Variants in PRR16 observed in about 807,000 individuals in gnomAD.
PRR16 encodes the protein proline rich 16, also known as protein Largen.
A neutral mutation model predicts 18.2 loss-of-function variants in PRR16; 6 were observed. That is an observed-to-expected ratio of 0.33 (90% CI 0.18 to 0.65). The LOEUF is 0.65. Ranked by LOEUF, PRR16 falls within the 30% of genes least tolerant of loss-of-function variation. PRR16 has a pLI of 0.74. For missense variants in PRR16, 412 were observed against 376.6 expected (o/e 1.09, Z -0.78); for synonymous variants, 151 against 147.8 (o/e 1.02, Z -0.16).
chr5:120,467,324 C>T (rs1034138976), intron 1 of PRR16, among the ~76,000 whole-genome samples: 4 of 152,082 alleles, frequency 2.6e-5, no homozygotes, highest in African/African-American at 9.7e-5. Flanking sequence ...GCGAGCTCTT[C>T]TTAACTTGCA....
At chr5:120,602,435 A>C (rs570957193) in intron 1 of PRR16, among the ~76,000 whole-genome samples, 3 of 152,074 alleles carry the variant, frequency 2.0e-5, no homozygotes, top group Middle Eastern at 3.2e-3. Flanking sequence ...TCTTTACTGA[A>C]GTTGTTTATC....
At chr5:120,621,790 A>G (rs973175809) in intron 1 of PRR16, among the ~76,000 whole-genome samples, 6 of 152,112 alleles carry the variant, frequency 3.9e-5, no homozygotes, top group Admixed American at 2.6e-4. Flanking sequence ...CCATGATTGT[A>G]AGTTTCCTCA....
At chr5:120,487,820 C>T (rs1348880381) in intron 1 of PRR16, among the ~76,000 whole-genome samples, 3 of 152,128 alleles carry the variant, frequency 2.0e-5, no homozygotes, top group African/African-American at 7.2e-5. Context: ...GAGATACGTC[C>T]CAACAGTACC....
intron 1 of PRR16, among the ~76,000 whole-genome samples, chr5:120,546,910 C>T (rs1389864181): frequency 6.6e-6 from 1 of 151,966 alleles, no homozygotes; most frequent in African/African-American, 2.4e-5. Context: ...TCCAGAGTGG[C>T]AGTATATGGG....
the PRR16 span, among the ~76,000 whole-genome samples, chr5:120,719,835 A>C: frequency 6.6e-6 from 1 of 152,078 alleles, no homozygotes; most frequent in African/African-American, 2.4e-5. Flanking sequence ...TTGATCTTAC[A>C]TATGAATTTA....
chr5:120,481,006 A>G lies in PRR16; in HGVS notation c.159+16361A>G, dbSNP rs576050649. 7.9e-4 allele frequency among the ~76,000 whole-genome samples: 120 copies of G among 152,324 alleles called. No individual in the cohort carries two copies. The Middle Eastern group carries it at 0.017, about 22-fold the overall frequency. ...CTTCAGAAGTTTTCCTTTAAACCACACTAATCAAATTAGCATTGACTTGAA... is the reference window on the plus strand; with the variant it reads ...CTTCAGAAGTTTTCCTTTAAACCACGCTAATCAAATTAGCATTGACTTGAA... On this transcript the variant is annotated intron_variant, in intron 1 of 1. Coordinates refer to ENST00000407149, the MANE Select transcript of PRR16 (RefSeq NM_001300783.2).
chr5:120,505,565 C>G (rs550024695), intron 1 of PRR16, among the ~76,000 whole-genome samples: 1 of 152,234 alleles, frequency 6.6e-6, no homozygotes, highest in South Asian at 2.1e-4. Flanking sequence ...ATCAGGCTAT[C>G]CATCACTGGA....
In PRR16 at chr5:120,686,094, T is replaced by C. The variant is rs748583890; in HGVS notation, c.300T>C (p.Asn100=). ...SSLEKIKVQA[N]APLIKPPAHP... The stretch of plus-strand genomic sequence containing the variant: ...TAGAGAAGATCAAAGTGCAGGCTAA[T>C]GCACCGCTTATTAAACCCCCAGCAC... The change falls in exon 2 of 2, where the codon AAT becomes AAC. Residue 100 remains asparagine (N), a synonymous_variant. Coordinates refer to ENST00000407149, the MANE Select transcript of PRR16 (RefSeq NM_001300783.2). 1.9e-6 allele frequency: 3 copies of C among 1,613,982 alleles called. No individual in the cohort carries two copies. The highest frequency in any genetic ancestry group is 2.7e-5 in the African/African-American group (2 of 74,896).
At chr5:120,562,019 C>A (rs1284118051) in intron 1 of PRR16, among the ~76,000 whole-genome samples, 1 of 152,056 alleles carries the variant, frequency 6.6e-6, no homozygotes, top group Non-Finnish European at 1.5e-5. Flanking sequence ...CAGATTAAGT[C>A]TGATGTTTCT....
At chr5:120,493,545 T>G (rs1274366670) in intron 1 of PRR16, among the ~76,000 whole-genome samples, 1 of 152,122 alleles carries the variant, frequency 6.6e-6, no homozygotes, top group African/African-American at 2.4e-5. Context: ...TTTACCCAAT[T>G]TCCTCCAGTG....
downstream of PRR16, among the ~76,000 whole-genome samples, chr5:120,691,931 C>T (rs1193521632): frequency 6.6e-6 from 1 of 152,152 alleles, no homozygotes; most frequent in Non-Finnish European, 1.5e-5. Flanking sequence ...ATCTTCTTTT[C>T]CTTCATAACG....
the PRR16 span, among the ~76,000 whole-genome samples, chr5:120,694,992 C>T: frequency 2.6e-5 from 4 of 152,112 alleles, no homozygotes; most frequent in Non-Finnish European, 5.9e-5. Flanking sequence ...TATTTGAATA[C>T]ATATTTCAGT....
intron 1 of PRR16, among the ~76,000 whole-genome samples, chr5:120,577,140 A>G (rs1004443147): frequency 6.6e-6 from 1 of 152,082 alleles, no homozygotes; most frequent in Non-Finnish European, 1.5e-5. Flanking sequence ...TTATACTAAT[A>G]TGATTCACAT....
At chr5:120,707,469 C>T in the PRR16 span, among the ~76,000 whole-genome samples, 3 of 152,166 alleles carry the variant, frequency 2.0e-5, no homozygotes, top group African/African-American at 4.8e-5. Context: ...AAGTTCTGTT[C>T]ATTTAAAACT....
At chr5:120,667,875 C>A (rs1430800704) in intron 1 of PRR16, among the ~76,000 whole-genome samples, 1 of 151,996 alleles carries the variant, frequency 6.6e-6, no homozygotes, top group African/African-American at 2.4e-5. Flanking sequence ...TTACTTCCAA[C>A]TATGTGTCAG....
At chr5:120,581,560 G>T (rs796150679) in intron 1 of PRR16, among the ~76,000 whole-genome samples, 1 of 151,934 alleles carries the variant, frequency 6.6e-6, no homozygotes, top group Non-Finnish European at 1.5e-5. Context: ...TCTTCTGCTA[G>T]CTTTTGGATT....
chr5:120,756,720 T>G, the PRR16 span, among the ~76,000 whole-genome samples: 1 of 152,092 alleles, frequency 6.6e-6, no homozygotes, highest in Non-Finnish European at 1.5e-5. Flanking sequence ...AGTTTCCAAA[T>G]ATTTTCTCCC....
chr5:120,691,618 G>T (rs957673951), downstream of PRR16, among the ~76,000 whole-genome samples: 1 of 152,152 alleles, frequency 6.6e-6, no homozygotes, highest in Non-Finnish European at 1.5e-5. Flanking sequence ...AAAGCCAAAA[G>T]TAGCAATAGA....
At chr5:120,717,868 G>A in the PRR16 span, among the ~76,000 whole-genome samples, 11 of 152,158 alleles carry the variant, frequency 7.2e-5, no homozygotes, top group South Asian at 2.1e-4. Flanking sequence ...TTTAATATCC[G>A]AATCTAAATA....
Sources: allele counts gnomAD v4.1 joint callset (sites outside exome capture counted in the v4.1 genomes callset), GRCh38; gene constraint gnomAD v4.1.1; transcripts MANE v1.5; gene names NCBI Gene and HGNC (gene_info 2026-07-23, HGNC 2026-07-21).